RRM2: variants seen among roughly 807,000 people sequenced by gnomAD.
RRM2 encodes ribonucleotide reductase regulatory subunit M2.
RRM2 carries 6 observed loss-of-function variants against 45.9 expected under a neutral mutation model. The ratio of observed to expected loss-of-function variants is 0.13; its 90% CI spans 0.07 to 0.26. RRM2 has a LOEUF of 0.26. Ranked by LOEUF, RRM2 falls within the 10% of genes least tolerant of loss-of-function variation. RRM2 has a pLI of 1.00. For synonymous variants in RRM2, 177 were observed against 173.0 expected, an observed-to-expected ratio of 1.02 and a Z score of -0.18; for missense variants, 343 against 489.5, an observed-to-expected ratio of 0.70 and a Z score of 2.82.
intron 3 of RRM2, among the ~76,000 whole-genome samples, chr2:10,177,694 CCTT>C (rs1663948321): frequency 6.7e-6 from 1 of 148,576 alleles, no homozygotes; most frequent in Non-Finnish European, 1.5e-5. Context: ...TTCCTTCCTT[CCTT>C]CCTTCCTTCC....
intron 3 of RRM2, among the ~76,000 whole-genome samples, chr2:10,147,509 C>T (rs985717575): frequency 6.6e-6 from 1 of 152,108 alleles, no homozygotes; most frequent in South Asian, 2.1e-4. Context: ...GCAAATCTGC[C>T]CACCTCAGCC....
chr2:10,141,106 G>A (rs988376715), upstream of RRM2, among the ~76,000 whole-genome samples: 28 of 152,344 alleles, frequency 1.8e-4, no homozygotes, highest in Middle Eastern at 3.4e-3. Context: ...GTAGCCTCTG[G>A]AAGTTGCTTA....
intron 3 of RRM2, among the ~76,000 whole-genome samples, chr2:10,181,198 CA>C (rs1664039628): frequency 6.6e-6 from 1 of 152,204 alleles, no homozygotes; most frequent in Non-Finnish European, 1.5e-5. Context: ...GCCAGTGAGG[CA>C]GATATTCTAT....
chr2:10,123,102 C>T (rs1391174261), intron 2 of RRM2, 45 bp downstream of exon 2: 2 of 1,509,946 alleles, frequency 1.3e-6, no homozygotes, highest in Middle Eastern at 2.3e-4. Flanking sequence ...CGGCCTTGGG[C>T]GTCTTGGCGC....
At chr2:10,152,313 A>G (rs953555006) in intron 3 of RRM2, among the ~76,000 whole-genome samples, 3 of 151,982 alleles carry the variant, frequency 2.0e-5, no homozygotes, top group African/African-American at 7.3e-5. Flanking sequence ...TATTCTAGTT[A>G]CACGTCTTTT....
chr2:10,161,485 G>A (rs1253177890), intron 3 of RRM2, among the ~76,000 whole-genome samples: 3 of 152,188 alleles, frequency 2.0e-5, no homozygotes, highest in South Asian at 2.1e-4. Context: ...GGTGTGTCAC[G>A]TGGCAACCTG....
At chr2:10,174,525 C>T (rs537286616) in intron 3 of RRM2, among the ~76,000 whole-genome samples, 1 of 150,614 alleles carries the variant, frequency 6.6e-6, no homozygotes, top group African/African-American at 2.4e-5. Flanking sequence ...CCCGAGGGGT[C>T]ACTCTCTTCA....
upstream of RRM2, among the ~76,000 whole-genome samples, chr2:10,140,211 C>T (rs865986856): frequency 5.3e-5 from 8 of 152,160 alleles, no homozygotes; most frequent in Middle Eastern, 6.8e-3. Flanking sequence ...TGCACCACTG[C>T]ACTCCAGCCT....
chr2:10,186,376 C>T (rs868585396), intron 3 of RRM2, among the ~76,000 whole-genome samples: 3 of 151,284 alleles, frequency 2.0e-5, no homozygotes, highest in African/African-American at 4.9e-5. Context: ...AGGATGGTCT[C>T]GATTTCCTGA....
At chr2:10,151,336 T>C (rs2110642) in intron 3 of RRM2, among the ~76,000 whole-genome samples, 94,784 of 148,872 alleles carry the variant, frequency 0.64, 30,717 homozygotes, top group African/African-American at 0.7. Context: ...CTTGCTCTGT[T>C]GCCCAGACTG....
chr2:10,191,432 G>A (rs1164469028), intron 3 of RRM2, among the ~76,000 whole-genome samples: 1 of 152,214 alleles, frequency 6.6e-6, no homozygotes, highest in Non-Finnish European at 1.5e-5. Context: ...TAGGGACTTA[G>A]CTCTGTGGCT....
intron 3 of RRM2, among the ~76,000 whole-genome samples, chr2:10,209,652 C>T (rs1572540610): frequency 1.3e-5 from 2 of 151,812 alleles, no homozygotes; most frequent in East Asian, 3.9e-4. Context: ...GATCGGCTTC[C>T]AAATCTTCCT....
chr2:10,146,629 T>C (rs1663192468), intron 3 of RRM2, among the ~76,000 whole-genome samples: 1 of 140,266 alleles, frequency 7.1e-6, no homozygotes, highest in Non-Finnish European at 1.6e-5. Flanking sequence ...GCTCTGCCCC[T>C]GCTGCAGGTG....
intron 3 of RRM2, among the ~76,000 whole-genome samples, chr2:10,189,720 A>T (rs774427467): frequency 6.6e-6 from 1 of 152,110 alleles, no homozygotes; most frequent in Non-Finnish European, 1.5e-5. Flanking sequence ...ACCACTACTG[A>T]CCTCACAGGG....
Position 10,127,058 on chromosome 2 carries a change from G to C in RRM2, c.665-29G>C. ...TTGGCCCTTGAATACCAACTCACTA[G>C]AATCATGTTGGTGTTAACTCCTAAA... On this transcript the variant is annotated intron_variant, in intron 6 of 9. Transcript: ENST00000304567. This position sits in a 1 kb window ranked among gnomAD's most constrained non-coding sequence, Gnocchi z 4.1. 6.2e-7 allele frequency: 1 copy of C among 1,612,786 alleles called. No individual in the cohort carries two copies. The highest frequency in any genetic ancestry group is 2.2e-5 in the East Asian group (1 of 44,848).
intron 3 of RRM2, among the ~76,000 whole-genome samples, chr2:10,159,470 C>T (rs1201613330): frequency 3.3e-5 from 5 of 152,188 alleles, no homozygotes; most frequent in South Asian, 2.1e-4. Context: ...GTCTCTCCTC[C>T]GACTCAGTTC....
intron 3 of RRM2, among the ~76,000 whole-genome samples, chr2:10,190,539 ATGG>A (rs1406009731): frequency 1.5e-5 from 2 of 133,870 alleles, no homozygotes; most frequent in Admixed American, 7.3e-5. Context: ...GATGGTGTTG[ATGG>A]TGGTGGTGAG....
At position 10,205,238 on chromosome 2, in the gene RRM2, G is replaced by A. The variant is rs1283111244; in HGVS notation, n.483-5073G>A. ...GGCTGAGGCCTGAGCGGTGAGTGGG[G>A]CTCGGTATTGACGATCAGCGAACAG... On this transcript the variant is annotated intron_variant and non_coding_transcript_variant, in intron 3 of 3. Coordinates refer to the RRM2 transcript ENST00000381786. This position sits in a 1 kb window ranked among gnomAD's most constrained non-coding sequence, Gnocchi z 4.8. Among the ~76,000 whole-genome samples the A allele has an allele frequency of 1.3e-5, 2 of 152,216 alleles. No homozygotes were observed. The highest frequency in any genetic ancestry group is 2.4e-5 in the African/African-American group (1 of 41,446).
chr2:10,199,704 C>A (rs1360339826), intron 3 of RRM2, among the ~76,000 whole-genome samples: 1 of 132,564 alleles, frequency 7.5e-6, no homozygotes, highest in Admixed American at 9.2e-5. Flanking sequence ...GGCGTGAACC[C>A]AGAAGGTGGA....
Sources: gnomAD v4.1 joint callset for allele counts (sites outside exome capture counted in the v4.1 genomes callset) on GRCh38, gnomAD v4.1.1 for gene constraint, Gnocchi (gnomAD v3.1) non-coding constraint, MANE v1.5 for transcripts, NCBI Gene and HGNC (gene_info 2026-07-23, HGNC 2026-07-21) for gene names.